The following CNTNAP5 variants were observed in gnomAD, a reference collection of about 807,000 sequenced individuals.
CNTNAP5 encodes the protein contactin-associated protein-like 5.
Under a neutral mutation model 150.2 loss-of-function variants are expected in CNTNAP5, and 72 were observed. The observed-to-expected ratio is 0.48, with a 90% CI of 0.40 to 0.58. CNTNAP5 has a LOEUF of 0.58. CNTNAP5 is among the 20% of genes least tolerant of loss of function. The probability of loss-of-function intolerance (pLI) is 0.00; values close to 1 mark genes in which losing one functional copy is unlikely to be tolerated. For synonymous variants in CNTNAP5, 672 were observed against 619.8 expected, an observed-to-expected ratio of 1.08 and a Z score of -1.25; for missense variants, 1,636 against 1,626.2, an observed-to-expected ratio of 1.01 and a Z score of -0.10.
intron 3 of CNTNAP5, among the ~76,000 whole-genome samples, chr2:124,416,785 A>T (rs1691928704): frequency 6.6e-6 from 1 of 152,132 alleles, no homozygotes. Flanking sequence ...TCCTTCTAAA[A>T]GCAGATTGTC....
At chr2:124,151,052 TA>T (rs1684394908) in intron 1 of CNTNAP5, among the ~76,000 whole-genome samples, 1 of 152,140 alleles carries the variant, frequency 6.6e-6, no homozygotes, top group South Asian at 2.1e-4. Flanking sequence ...AAGTGTCTGC[TA>T]GGGGTAGCAG....
Position 124,915,217 on chromosome 2 carries a change from C to CAT in CNTNAP5, c.*941_*942dup, listed in dbSNP as rs112448547. The CAT allele has an allele frequency of 4.8e-4, 78 of 162,534 alleles. No individual in the cohort carries two copies. The highest frequency in any genetic ancestry group is 2.4e-3 in the East Asian group (12 of 5,028). The allele number at this position is 162,534 out of a possible 1,614,324, so 10.1% of individuals were successfully genotyped here. ...ATATACACACACACACACACACACA[C>CAT]ATATATATATATACACACACGCACA... is the stretch of plus-strand genomic sequence containing the variant. On this transcript the variant is annotated 3_prime_UTR_variant, in exon 24 of 24. Coordinates refer to ENST00000682447, the MANE Select transcript of CNTNAP5 (RefSeq NM_001367498.1).
chr2:124,221,620 A>C (rs1412798843), intron 1 of CNTNAP5, 85 bp from the exon 2 acceptor site: 3 of 860,048 alleles, frequency 3.5e-6, no homozygotes, highest in Non-Finnish European at 5.6e-6. Flanking sequence ...AAATGATGGT[A>C]GTTAATTTCT....
At chr2:124,347,025 T>G (rs1045172504) in intron 3 of CNTNAP5, among the ~76,000 whole-genome samples, 21 of 151,434 alleles carry the variant, frequency 1.4e-4, no homozygotes, top group Non-Finnish European at 1.9e-4. Context: ...GAGGGAGAGG[T>G]TGCAGTGAGC....
chr2:124,556,296 T>C (rs1269450754), intron 10 of CNTNAP5, among the ~76,000 whole-genome samples: 1 of 152,172 alleles, frequency 6.6e-6, no homozygotes, highest in African/African-American at 2.4e-5. Context: ...GGGGAAATAA[T>C]ACCATTAAAG....
At chr2:124,556,037 A>C (rs1695748350) in intron 10 of CNTNAP5, among the ~76,000 whole-genome samples, 3 of 152,204 alleles carry the variant, frequency 2.0e-5, no homozygotes, top group African/African-American at 7.2e-5. Context: ...ATTGCATAAC[A>C]GTGTCTGGAA....
At chr2:124,549,763 A>G (rs1273757860) in intron 10 of CNTNAP5, among the ~76,000 whole-genome samples, 1 of 152,270 alleles carries the variant, frequency 6.6e-6, no homozygotes, top group Non-Finnish European at 1.5e-5. Flanking sequence ...ATTTCTTAAA[A>G]AAGTAAAAGC....
At chr2:124,599,211 T>A (rs1696919885) in intron 11 of CNTNAP5, among the ~76,000 whole-genome samples, 1 of 152,224 alleles carries the variant, frequency 6.6e-6, no homozygotes, top group Non-Finnish European at 1.5e-5. Flanking sequence ...AATTTGATCG[T>A]GGTCTGCAGT....
chr2:124,396,593 A>C (rs1173370362), intron 3 of CNTNAP5, among the ~76,000 whole-genome samples: 1 of 152,196 alleles, frequency 6.6e-6, no homozygotes, highest in Non-Finnish European at 1.5e-5. Context: ...TCAAATCAAA[A>C]ATAGCTTGGT....
Position 124,785,051 on chromosome 2 carries a change from A to C in CNTNAP5, c.2753-4851A>C, listed in dbSNP as rs931478845. ...AGAGATTAAGGCTGAGAAAAAAAAA[A>C]AAAAAACAAAAGAAAAAGAAAAAGA... is the stretch of plus-strand genomic sequence containing the variant. On this transcript the variant is annotated intron_variant, in intron 17 of 23. Transcript: ENST00000682447. Among the ~76,000 whole-genome samples the C allele has an allele frequency of 2.6e-4, 39 of 151,278 alleles. 1 individual carries two copies. The highest frequency in any genetic ancestry group is 9.2e-4 in the African/African-American group (38 of 41,334).
intron 22 of CNTNAP5, among the ~76,000 whole-genome samples, chr2:124,907,488 TATATAG>T (rs1238910615): frequency 2.0e-5 from 3 of 148,654 alleles, no homozygotes; most frequent in Non-Finnish European, 4.5e-5. Flanking sequence ...TAAGAATAGA[TATATAG>T]ATATAGATAT....
chr2:124,657,383 C>T (rs548181330), intron 13 of CNTNAP5, among the ~76,000 whole-genome samples: 21 of 152,000 alleles, frequency 1.4e-4, no homozygotes, highest in Admixed American at 3.3e-4. Flanking sequence ...CCAAAACCTA[C>T]GATTCCTTCC....
At chr2:124,170,813 A>T (rs1336611479) in intron 1 of CNTNAP5, among the ~76,000 whole-genome samples, 1 of 152,124 alleles carries the variant, frequency 6.6e-6, no homozygotes, top group Non-Finnish European at 1.5e-5. Context: ...CGAGACAGGT[A>T]ATTGGGGAAG....
At chr2:124,341,979 C>A (rs1689630333) in intron 3 of CNTNAP5, among the ~76,000 whole-genome samples, 1 of 152,102 alleles carries the variant, frequency 6.6e-6, no homozygotes, top group African/African-American at 2.4e-5. Flanking sequence ...AGTTTGGAGA[C>A]TCATAACCAG....
intron 12 of CNTNAP5, among the ~76,000 whole-genome samples, chr2:124,629,144 A>C (rs1440003533): frequency 6.6e-6 from 1 of 152,212 alleles, no homozygotes; most frequent in Non-Finnish European, 1.5e-5. Flanking sequence ...AGTATTAGAT[A>C]GATCACGGAG....
chr2:124,887,010 G>A (rs1182684946), intron 21 of CNTNAP5, among the ~76,000 whole-genome samples: 1 of 151,784 alleles, frequency 6.6e-6, no homozygotes, highest in Non-Finnish European at 1.5e-5. Context: ...CTTTTTCTTG[G>A]CATAGTGAAA....
intron 17 of CNTNAP5, among the ~76,000 whole-genome samples, chr2:124,787,275 T>C (rs1391019472): frequency 6.6e-6 from 1 of 152,136 alleles, no homozygotes; most frequent in Non-Finnish European, 1.5e-5. Flanking sequence ...ACTACATATA[T>C]CCTCTCCTCT....
At position 124,457,251 on chromosome 2, in the gene CNTNAP5, A is replaced by G. The variant is rs983082957; in HGVS notation, c.918+10314A>G. Among the ~76,000 whole-genome samples, 5 of 152,330 alleles carry G rather than the reference A, an allele frequency of 3.3e-5. No homozygotes were observed. In the South Asian group the frequency reaches 6.2e-4, roughly 19 times the overall value. Reference sequence around the variant, plus strand: ...AGACATTGGCTTAGGCAAAGACTTCATGACCAAGAACCCAAAAGAAAATGT... The same window carrying G: ...AGACATTGGCTTAGGCAAAGACTTCGTGACCAAGAACCCAAAAGAAAATGT... On this transcript the variant is annotated intron_variant, in intron 6 of 23. Coordinates refer to ENST00000682447, the MANE Select transcript of CNTNAP5 (RefSeq NM_001367498.1).
chr2:124,054,693 CTT>C (rs1349770384), intron 1 of CNTNAP5, among the ~76,000 whole-genome samples: 1 of 152,198 alleles, frequency 6.6e-6, no homozygotes, highest in Non-Finnish European at 1.5e-5. Context: ...CATGATTACT[CTT>C]TTCATAATTC....
Sources: gnomAD v4.1 joint callset for allele counts (sites outside exome capture counted in the v4.1 genomes callset) on GRCh38, gnomAD v4.1.1 for gene constraint, MANE v1.5 for transcripts, NCBI Gene and HGNC (gene_info 2026-07-23, HGNC 2026-07-21) for gene names.